Variants in PSMD1 observed in about 807,000 individuals in gnomAD.
The protein encoded by PSMD1 is 26S proteasome non-ATPase regulatory subunit 1.
PSMD1 carries 18 observed loss-of-function variants against 119.0 expected under a neutral mutation model. The ratio of observed to expected loss-of-function variants is 0.15; its 90% CI spans 0.10 to 0.22. The LOEUF (loss-of-function observed/expected upper bound fraction) is 0.22. Among genes scored for constraint, PSMD1 ranks in the 10% least tolerant of loss-of-function variants. The pLI is 1.00. For synonymous variants in PSMD1, 374 were observed against 396.6 expected, an observed-to-expected ratio of 0.94 and a Z score of 0.68; for missense variants, 702 against 1,158.5, an observed-to-expected ratio of 0.61 and a Z score of 5.72.
chr2:231,085,347 T>G (rs905116968), intron 15 of PSMD1, among the ~76,000 whole-genome samples: 14 of 152,244 alleles, frequency 9.2e-5, no homozygotes, highest in Admixed American at 9.2e-4. Flanking sequence ...CTTAAAGCCA[T>G]TCAGGTGCAA....
chr2:231,076,097 A>G (rs548707888), intron 8 of PSMD1, among the ~76,000 whole-genome samples: 16 of 152,246 alleles, frequency 1.1e-4, no homozygotes, highest in Non-Finnish European at 1.9e-4. Context: ...AAGAAATCAA[A>G]TCCTTAGATC....
Position 231,109,124 on chromosome 2 carries a change from T to G in PSMD1, c.1883+21943T>G, listed in dbSNP as rs61731724. 1,555 of 1,613,960 alleles carry G rather than the reference T, an allele frequency of 9.6e-4. 12 individuals are homozygous for G. In the African/African-American group the frequency reaches 0.018, roughly 18 times the overall value. ...TCGAGAACCATCCAGCATTGCCACC[T>G]TTTCCGGTGACGAGCAAGGTGTTTC... On this transcript the variant is annotated intron_variant, in intron 16 of 24. Coordinates refer to ENST00000308696, the MANE Select transcript of PSMD1 (RefSeq NM_002807.4).
At chr2:231,084,100 G>C (rs1353298125) in intron 14 of PSMD1, among the ~76,000 whole-genome samples, 1 of 152,120 alleles carries the variant, frequency 6.6e-6, no homozygotes, top group Non-Finnish European at 1.5e-5. Context: ...TGTAATCCTA[G>C]CATTTTGGGA....
chr2:231,076,726 T>C, intron 8 of PSMD1, among the ~76,000 whole-genome samples: 1 of 152,206 alleles, frequency 6.6e-6, no homozygotes, highest in South Asian at 2.1e-4. Flanking sequence ...AGGAAGTTTC[T>C]CAATTAAAAT....
chr2:231,082,132 G>A (rs938431328), intron 12 of PSMD1, among the ~76,000 whole-genome samples: 4 of 152,150 alleles, frequency 2.6e-5, no homozygotes, highest in Admixed American at 2.0e-4. Flanking sequence ...GCACAATGAT[G>A]GCTCACTGCA....
intron 17 of PSMD1, 107 bp from the exon 18 acceptor site, chr2:231,146,133 C>T: frequency 1.4e-6 from 1 of 710,344 alleles, no homozygotes; most frequent in South Asian, 1.6e-5. Flanking sequence ...ATCATATATG[C>T]AGTGTGTCAC....
At chr2:231,121,759 T>C (rs987402670) in intron 16 of PSMD1, among the ~76,000 whole-genome samples, 6 of 152,224 alleles carry the variant, frequency 3.9e-5, no homozygotes, top group African/African-American at 1.4e-4. Flanking sequence ...ATGTTTGATA[T>C]TTATGGACTC....
At chr2:231,059,645 C>G (rs1693707121) in intron 1 of PSMD1, among the ~76,000 whole-genome samples, 1 of 152,200 alleles carries the variant, frequency 6.6e-6, no homozygotes. Flanking sequence ...TCCTGATCCC[C>G]AGAGGCAGGT....
At chr2:231,061,243 C>T in intron 1 of PSMD1, 24 bp from the exon 2 acceptor site, 1 of 1,560,500 alleles carries the variant, frequency 6.4e-7, no homozygotes, top group Non-Finnish European at 8.8e-7. Flanking sequence ...GTTTCATAAT[C>T]ATGTTACATC....
rs1429336216 is a variant in PSMD1, at chr2:231,087,185, A to G, written c.1883+4A>G. 1 of 1,611,188 alleles carries G rather than the reference A, an allele frequency of 6.2e-7. No individual in the cohort carries two copies. Among genetic ancestry groups the G allele is most frequent in the African/African-American group, 1.3e-5 (1 of 74,982 alleles). On this transcript the variant is annotated splice_donor_region_variant and intron_variant, in intron 16 of 24. Coordinates refer to ENST00000308696, the MANE Select transcript of PSMD1 (RefSeq NM_002807.4). ...CACTTGGGTTCATTCTATTCAGGTAATAACTTCAAACTTCTTATTCTATTT... is the reference window on the plus strand; with the variant it reads ...CACTTGGGTTCATTCTATTCAGGTAGTAACTTCAAACTTCTTATTCTATTT...
chr2:231,069,759 T>C (rs924846982), intron 5 of PSMD1, among the ~76,000 whole-genome samples: 1 of 152,212 alleles, frequency 6.6e-6, no homozygotes, highest in Non-Finnish European at 1.5e-5. Context: ...CACTTTATTA[T>C]AGTATACTAT....
Position 231,153,645 on chromosome 2 carries a change from G to T in PSMD1, c.2197G>T (p.Ala733Ser). The T allele has an allele frequency of 6.2e-7, 1 of 1,611,272 alleles. No homozygotes were observed. The highest frequency in any genetic ancestry group is 8.5e-7 in the Non-Finnish European group (1 of 1,177,992). Residue 733 changes from alanine to serine, a missense_variant, in exon 19 of 25, where the codon GCC becomes TCC. Physicochemically the swap from Ala to Ser is moderately conservative, Grantham distance 99. This residue lies in a region of PSMD1 where 272 missense variants were observed against 511.6 expected (regional missense o/e 0.53). Coordinates refer to ENST00000308696, the MANE Select transcript of PSMD1 (RefSeq NM_002807.4). ...DVMAKFGAIL[A>S]QGILDAGGHN... The stretch of plus-strand genomic sequence containing the variant: ...CATGGCCAAGTTTGGCGCTATTCTG[G>T]CCCAGGGCATACTGGATGCAGGTAA...
intron 1 of PSMD1, among the ~76,000 whole-genome samples, chr2:231,060,684 A>G (rs770628377): frequency 2.6e-5 from 4 of 152,178 alleles, no homozygotes; most frequent in Non-Finnish European, 5.9e-5. Flanking sequence ...ATTTGGTAAA[A>G]CCCAGGTTAC....
At chr2:231,130,833 A>G (rs1416930214) in intron 16 of PSMD1, among the ~76,000 whole-genome samples, 2 of 152,204 alleles carry the variant, frequency 1.3e-5, no homozygotes, top group Non-Finnish European at 2.9e-5. Flanking sequence ...TCATTTAAAT[A>G]CTTTGTTATA....
intron 16 of PSMD1, chr2:231,108,303 G>A: frequency 2.0e-6 from 1 of 506,916 alleles, no homozygotes. Flanking sequence ...CCAGAGTGCT[G>A]GATTGTTTTC....
At chr2:231,117,901 A>G (rs867116001) in intron 16 of PSMD1, among the ~76,000 whole-genome samples, 10 of 152,186 alleles carry the variant, frequency 6.6e-5, no homozygotes, top group African/African-American at 1.7e-4. Context: ...CTGAACAGTT[A>G]CATGGGGTTA....
At chr2:231,123,381 G>C (rs1252668693) in intron 16 of PSMD1, 2 of 1,484,064 alleles carry the variant, frequency 1.3e-6, no homozygotes, top group South Asian at 2.3e-5. Context: ...TAGTTCTGTG[G>C]TTTGATGGCA....
chr2:231,117,946 A>G (rs1695400089), intron 16 of PSMD1, among the ~76,000 whole-genome samples: 1 of 152,188 alleles, frequency 6.6e-6, no homozygotes, highest in Non-Finnish European at 1.5e-5. Flanking sequence ...TATGCCAAAT[A>G]TGACAGTTTT....
rs1695854402 is a variant in PSMD1 at position 231,131,596 on chromosome 2, A to G, written c.1884-7140A>G. Among the ~76,000 whole-genome samples, 2 of 93,676 alleles carry G rather than the reference A, an allele frequency of 2.1e-5. 1 individual carries two copies. Among genetic ancestry groups the G allele is most frequent in the Admixed American group, 1.8e-4 (2 of 11,092 alleles). 61.5% of individuals were successfully genotyped at this position (93,676 alleles called of 152,430 possible). A position where few individuals can be genotyped will look rare whatever the true frequency, so the allele number is the denominator to read the frequency against. ...GCTAAAACGGTGAAACCCCGTCTCTACTAAAAATACAAAAAATTAGCCGGG... is the reference window on the plus strand; with the variant it reads ...GCTAAAACGGTGAAACCCCGTCTCTGCTAAAAATACAAAAAATTAGCCGGG... On this transcript the variant is annotated intron_variant, in intron 16 of 24. Coordinates refer to ENST00000308696, the MANE Select transcript of PSMD1 (RefSeq NM_002807.4).
Sources: allele counts gnomAD v4.1 joint callset (sites outside exome capture counted in the v4.1 genomes callset), GRCh38; gene constraint gnomAD v4.1.1; regional missense constraint gnomAD v4.1.1; transcripts MANE v1.5; gene names NCBI Gene and HGNC (gene_info 2026-07-23, HGNC 2026-07-21).